TENM1: variants seen among roughly 807,000 people sequenced by gnomAD.
TENM1 encodes the protein teneurin transmembrane protein 1.
In TENM1, 35 loss-of-function variants were observed where a neutral mutation model predicts 174.8. That is an observed-to-expected ratio of 0.20 (90% CI 0.15 to 0.27). The LOEUF (loss-of-function observed/expected upper bound fraction) is 0.27. Among genes scored for constraint, TENM1 ranks in the 10% least tolerant of loss-of-function variants. The pLI is 1.00. For missense variants in TENM1, 1,633 were observed against 2,130.1 expected, an observed-to-expected ratio of 0.77 and a Z score of 4.59; for synonymous variants, 781 against 798.7, an observed-to-expected ratio of 0.98 and a Z score of 0.37.
chrX:124,623,640 G>A (rs1220527933), intron 11 of TENM1, among the ~76,000 whole-genome samples: 1 of 111,239 alleles, frequency 9.0e-6, no homozygotes, highest in Non-Finnish European at 1.9e-5. Flanking sequence ...CTTGAAATTT[G>A]CAGGGAAAAA....
At chrX:124,793,773 A>G (rs984170687) in intron 3 of TENM1, among the ~76,000 whole-genome samples, 5 of 111,628 alleles carry the variant, frequency 4.5e-5, no homozygotes, top group Non-Finnish European at 9.4e-5. Context: ...AGTGCTTACT[A>G]AATTTTTCAT....
chrX:125,001,069 G>A, the TENM1 span, among the ~76,000 whole-genome samples: 3 of 109,978 alleles, frequency 2.7e-5, no homozygotes, highest in African/African-American at 9.9e-5. Flanking sequence ...AATTGTATGG[G>A]TGACCTTGTT....
chrX:124,655,118 T>G (rs2051407848), intron 6 of TENM1, among the ~76,000 whole-genome samples: 1 of 111,620 alleles, frequency 9.0e-6, no homozygotes, highest in African/African-American at 3.3e-5. Flanking sequence ...TCGCATGGTC[T>G]ACAGCCCACA....
the TENM1 span, among the ~76,000 whole-genome samples, chrX:125,124,044 G>C: frequency 8.9e-6 from 1 of 112,115 alleles, no homozygotes; most frequent in African/African-American, 3.2e-5. Flanking sequence ...ATAAAAATGG[G>C]GATAAAAATA....
chrX:125,203,637 G>C, the TENM1 span, among the ~76,000 whole-genome samples: 1 of 112,626 alleles, frequency 8.9e-6, no homozygotes, highest in East Asian at 2.8e-4. Flanking sequence ...CTGCCACCTC[G>C]GGCAGGAGTC....
chrX:124,989,412 C>A, the TENM1 span, among the ~76,000 whole-genome samples: 291 of 111,255 alleles, frequency 2.6e-3, 1 homozygote, highest in African/African-American at 9.0e-3. Flanking sequence ...GACAAATACA[C>A]CATGGTCATG....
rs370824438 is a variant in TENM1, at chrX:124,827,634, AT to A, written c.535+66661del. ...CCCTGTGGTCAAGGTTCACATTATT[AT>A]TTTTTTTTATATGGAGGAAGCCCTG... On this transcript the variant is annotated intron_variant, in intron 3 of 31. Transcript: ENST00000422452. Among the ~76,000 whole-genome samples, 116 of 110,116 alleles carry A rather than the reference AT, an allele frequency of 1.1e-3. 4 individuals carry two copies. In the East Asian group the frequency reaches 0.029, roughly 28 times the overall value.
At chrX:124,963,475 A>G in intron 1 of TENM1, 62 bp downstream of exon 4, 2 of 1,010,528 alleles carry the variant, frequency 2.0e-6, no homozygotes, top group Non-Finnish European at 2.7e-6. Context: ...AACAAAGTTT[A>G]TGCACACAAG....
chrX:125,180,779 C>T, the TENM1 span, among the ~76,000 whole-genome samples: 1 of 111,622 alleles, frequency 9.0e-6, no homozygotes, highest in African/African-American at 3.3e-5. Flanking sequence ...TTACATTCCA[C>T]ATGACCCTCT....
intron 3 of TENM1, among the ~76,000 whole-genome samples, chrX:124,889,912 G>A (rs1243919823): frequency 1.8e-5 from 2 of 111,201 alleles, no homozygotes; most frequent in Non-Finnish European, 3.8e-5. Context: ...CATAATAGGC[G>A]ATCTTAACTA....
intron 4 of TENM1, among the ~76,000 whole-genome samples, chrX:124,712,133 A>C (rs2053068225): frequency 8.9e-6 from 1 of 112,165 alleles, no homozygotes; most frequent in South Asian, 3.7e-4. Context: ...GCTATTGTGA[A>C]TAGTGCTTCT....
chrX:124,604,300 A>G (rs891155141), intron 11 of TENM1, among the ~76,000 whole-genome samples: 1 of 111,505 alleles, frequency 9.0e-6, no homozygotes, highest in East Asian at 2.8e-4. Context: ...TTGAGAAGCT[A>G]ACAACGACAT....
chrX:124,387,594 A>G (rs966536012), intron 28 of TENM1, among the ~76,000 whole-genome samples: 3 of 112,534 alleles, frequency 2.7e-5, no homozygotes, highest in African/African-American at 9.7e-5. Context: ...TTACACAAGT[A>G]TATGTAATGT....
At chrX:124,462,402 T>C (rs1046378431) in intron 22 of TENM1, among the ~76,000 whole-genome samples, 1 of 91,367 alleles carries the variant, frequency 1.1e-5, no homozygotes, top group East Asian at 3.5e-4. Flanking sequence ...ACTATTTTTG[T>C]TAAGCTATTG....
chrX:124,970,837 G>A, the TENM1 span, among the ~76,000 whole-genome samples: 4 of 110,828 alleles, frequency 3.6e-5, no homozygotes, highest in African/African-American at 1.3e-4. Context: ...ACATGCACAC[G>A]TATGTTCATG....
chrX:124,378,113 T>C (rs1025161892), exon 32 of TENM1: 1 of 111,547 alleles, frequency 9.0e-6, no homozygotes, highest in African/African-American at 3.3e-5. Context: ...ATAATACAAA[T>C]GTAACTTTAA....
chrX:124,780,812 G>A (rs1280622840), intron 3 of TENM1, among the ~76,000 whole-genome samples: 1 of 111,501 alleles, frequency 9.0e-6, no homozygotes. Flanking sequence ...CCTAAATTCA[G>A]GGAACACTAG....
At chrX:125,102,488 G>A in the TENM1 span, among the ~76,000 whole-genome samples, 27 of 111,657 alleles carry the variant, frequency 2.4e-4, no homozygotes, top group Admixed American at 9.5e-5. Context: ...AGCTTGTGTG[G>A]AAAGACAAGT....
intron 1 of TENM1, among the ~76,000 whole-genome samples, chrX:124,928,987 A>G (rs73634540): frequency 0.03 from 3,335 of 111,968 alleles, 125 homozygotes; most frequent in African/African-American, 0.1. Flanking sequence ...TTCCATGTCA[A>G]TCAAGCTGGT....
Sources: allele counts gnomAD v4.1 joint callset (sites outside exome capture counted in the v4.1 genomes callset), GRCh38; gene constraint gnomAD v4.1.1; transcripts MANE v1.5; gene names NCBI Gene and HGNC (gene_info 2026-07-23, HGNC 2026-07-21).